Variants in GNAQ observed in about 807,000 individuals in gnomAD.
The protein encoded by GNAQ is G protein subunit alpha q.
Under a neutral mutation model 43.9 loss-of-function variants are expected in GNAQ, and 8 were observed. The ratio of observed to expected loss-of-function variants is 0.18; its 90% confidence interval spans 0.11 to 0.33. The LOEUF is 0.33. GNAQ is among the 10% of genes least tolerant of loss of function. The probability of loss-of-function intolerance (pLI) is 1.00; values close to 1 mark genes in which losing one functional copy is unlikely to be tolerated. For missense variants in GNAQ, 158 were observed against 450.8 expected, an observed-to-expected ratio of 0.35 and a Z score of 5.88; for synonymous variants, 155 against 170.7, an observed-to-expected ratio of 0.91 and a Z score of 0.71.
At chr9:78,008,237 T>G (rs1823730312) in intron 1 of GNAQ, among the ~76,000 whole-genome samples, 1 of 152,192 alleles carries the variant, frequency 6.6e-6, no homozygotes, top group South Asian at 2.1e-4. Flanking sequence ...AACCTTCAGT[T>G]ACCTTTTCTG....
chr9:77,743,106 A>C (rs1359181807), intron 5 of GNAQ, among the ~76,000 whole-genome samples: 2 of 152,134 alleles, frequency 1.3e-5, no homozygotes, highest in Non-Finnish European at 2.9e-5. Flanking sequence ...AAAAATACAA[A>C]AATTAGCCGG....
chr9:77,929,735 T>C (rs1829122008), intron 1 of GNAQ, among the ~76,000 whole-genome samples: 1 of 152,042 alleles, frequency 6.6e-6, no homozygotes, highest in African/African-American at 2.4e-5. Flanking sequence ...GAGGCTGAGA[T>C]GGAAGAATCA....
At chr9:77,780,245 G>C (rs1826372620) in intron 5 of GNAQ, among the ~76,000 whole-genome samples, 1 of 151,658 alleles carries the variant, frequency 6.6e-6, no homozygotes. Flanking sequence ...CTGTAATTTT[G>C]TATCATTTAA....
At chr9:77,802,875 G>A (rs1170596692) in intron 3 of GNAQ, among the ~76,000 whole-genome samples, 1 of 152,034 alleles carries the variant, frequency 6.6e-6, no homozygotes, top group African/African-American at 2.4e-5. Context: ...CCTCCATGGG[G>A]ATTTAATGAC....
intron 2 of GNAQ, among the ~76,000 whole-genome samples, chr9:77,844,259 C>T (rs1297652363): frequency 6.6e-6 from 1 of 152,132 alleles, no homozygotes; most frequent in East Asian, 1.9e-4. Context: ...AATGATCCCA[C>T]TCCTGGGCAA....
chr9:77,724,474 G>T (rs1209186260), intron 6 of GNAQ, among the ~76,000 whole-genome samples: 1 of 152,144 alleles, frequency 6.6e-6, no homozygotes, highest in Non-Finnish European at 1.5e-5. Flanking sequence ...TGAGATTACA[G>T]GCGTGAGCCA....
At position 77,717,282 on chromosome 9, in the gene GNAQ, A is replaced by G. The variant is rs569067936; in HGVS notation, c.*4041T>C. The G allele has an allele frequency of 4.7e-4, 110 of 232,504 alleles. 1 individual carries two copies. The highest frequency in any genetic ancestry group is 2.0e-3 in the African/African-American group (92 of 45,438). 14.4% of individuals were successfully genotyped at this position (232,504 alleles called of 1,614,324 possible). On this transcript the variant is annotated 3_prime_UTR_variant, in exon 7 of 7. Transcript: ENST00000286548. ...TCAATTGAGATGTTGATTACCAATT[A>G]AGTGGTTTTAAACCCTTATTTAATT...
chr9:77,752,163 G>A (rs978999235), intron 5 of GNAQ, among the ~76,000 whole-genome samples: 1 of 152,200 alleles, frequency 6.6e-6, no homozygotes, highest in African/African-American at 2.4e-5. Context: ...CAGTTGAATT[G>A]TCAAACAGAT....
At chr9:78,015,959 T>A (rs568830421) in intron 1 of GNAQ, among the ~76,000 whole-genome samples, 1 of 151,692 alleles carries the variant, frequency 6.6e-6, no homozygotes, top group African/African-American at 2.4e-5. Flanking sequence ...AAAAAAGTAA[T>A]AAAGATAAGA....
intron 2 of GNAQ, among the ~76,000 whole-genome samples, chr9:77,889,937 T>A (rs1412269778): frequency 1.3e-5 from 2 of 152,184 alleles, no homozygotes; most frequent in African/African-American, 4.8e-5. Flanking sequence ...AAAGTCAAAT[T>A]GTATTAATTT....
At chr9:77,770,524 A>G (rs1375684745) in intron 5 of GNAQ, among the ~76,000 whole-genome samples, 2 of 152,214 alleles carry the variant, frequency 1.3e-5, no homozygotes, top group African/African-American at 4.8e-5. Flanking sequence ...AGATCCTCCC[A>G]CTAGTGTTTT....
rs1159484793 is a variant in GNAQ, at chr9:77,716,970, AC to A, written c.*4352del. 2 of 232,664 alleles carry A rather than the reference AC, an allele frequency of 8.6e-6. No individual in the cohort carries two copies. The highest frequency in any genetic ancestry group is 1.7e-5 in the Non-Finnish European group (2 of 117,774). The allele number at this position is 232,664 out of a possible 1,614,324, so 14.4% of individuals were successfully genotyped here. A position where few individuals can be genotyped will look rare whatever the true frequency, so the allele number is the denominator to read the frequency against. ...GGCTATTCTGTGAGAAAAACAAATG[AC>A]AAGTTTAGGGTCTGTACTAAGTTAT... On this transcript the variant is annotated 3_prime_UTR_variant, in exon 7 of 7. Coordinates refer to ENST00000286548, the MANE Select transcript of GNAQ (RefSeq NM_002072.5).
At chr9:77,980,632 A>G (rs1268089006) in intron 1 of GNAQ, among the ~76,000 whole-genome samples, 1 of 151,782 alleles carries the variant, frequency 6.6e-6, no homozygotes, top group Non-Finnish European at 1.5e-5. Context: ...GACAATTAAG[A>G]AGCAATTCCA....
At chr9:77,802,679 T>C (rs978271667) in intron 3 of GNAQ, among the ~76,000 whole-genome samples, 10 of 152,150 alleles carry the variant, frequency 6.6e-5, no homozygotes, top group Non-Finnish European at 1.5e-4. Flanking sequence ...GGTGTTGCCA[T>C]GGTGCCAGGC....
At chr9:77,867,857 T>G (rs1367177260) in intron 2 of GNAQ, among the ~76,000 whole-genome samples, 1 of 152,068 alleles carries the variant, frequency 6.6e-6, no homozygotes. Context: ...TAAAAGGACA[T>G]GCAGGAATAA....
intron 3 of GNAQ, among the ~76,000 whole-genome samples, chr9:77,810,246 CT>C: frequency 6.6e-6 from 1 of 151,844 alleles, no homozygotes. Context: ...ATCTATCTAT[CT>C]ATCTATCTAT....
Position 77,720,519 on chromosome 9 carries a change from AAAAG to A in GNAQ, c.*800_*803del, listed in dbSNP as rs1224108285. ...TCTGCAATTGAAAGAGAGGGTAAGA[AAAAG>A]AAGCAAAGAAGGGAGGAAAGACAAT... On this transcript the variant is annotated 3_prime_UTR_variant, in exon 7 of 7. Transcript: ENST00000286548. The A allele has an allele frequency of 4.3e-6, 1 of 233,556 alleles. No individual in the cohort carries two copies. The highest frequency in any genetic ancestry group is 6.0e-5 in the East Asian group (1 of 16,552). The allele number at this position is 233,556 out of a possible 1,614,324, so 14.5% of individuals were successfully genotyped here.
intron 1 of GNAQ, among the ~76,000 whole-genome samples, chr9:77,984,132 A>G (rs902969890): frequency 3.4e-5 from 5 of 146,064 alleles, no homozygotes; most frequent in African/African-American, 1.2e-4. Context: ...AAAGTTTTTG[A>G]ATTTTAGTTG....
Position 77,979,630 on chromosome 9 carries a change from G to A in GNAQ, c.136+51470C>T, listed in dbSNP as rs74466536. Among the ~76,000 whole-genome samples the A allele has an allele frequency of 4.2e-3, 636 of 152,122 alleles. 4 individuals carry two copies. The highest frequency in any genetic ancestry group is 0.015 in the African/African-American group (606 of 41,502). On this transcript the variant is annotated intron_variant, in intron 1 of 6. Coordinates refer to ENST00000286548, the MANE Select transcript of GNAQ (RefSeq NM_002072.5). ...CAAAGCCCCAGGGTGCATGCCCAAG[G>A]GGGGGGAGACTGAACTCTCTGGAAG...
Sources: gnomAD v4.1 joint callset for allele counts (sites outside exome capture counted in the v4.1 genomes callset) on GRCh38, gnomAD v4.1.1 for gene constraint, MANE v1.5 for transcripts, NCBI Gene and HGNC (gene_info 2026-07-23, HGNC 2026-07-21) for gene names.